The following COG2 variants were observed in gnomAD, a reference collection of about 807,000 sequenced individuals.
The protein encoded by COG2 is component of oligomeric golgi complex 2.
In COG2, 52 loss-of-function variants were observed where a neutral mutation model predicts 90.6. That is an observed-to-expected ratio of 0.57 (90% CI 0.46 to 0.72). The LOEUF (loss-of-function observed/expected upper bound fraction) is 0.72, where lower values mean the gene tolerates loss of function less well. Ranked by LOEUF, COG2 falls within the 30% of genes least tolerant of loss-of-function variation. The pLI, the probability that COG2 is intolerant of heterozygous loss-of-function variation, is 0.00. For synonymous variants in COG2, 337 were observed against 320.4 expected, an observed-to-expected ratio of 1.05 and a Z score of -0.55; for missense variants, 829 against 891.2, an observed-to-expected ratio of 0.93 and a Z score of 0.89.
intron 17 of COG2, 196 bp downstream of exon 17, chr1:230,691,760 C>T (rs771007406): frequency 2.9e-5 from 16 of 542,972 alleles, no homozygotes; most frequent in Non-Finnish European, 4.2e-5. Context: ...TGAGAATTCC[C>T]GTTTTGAAGT....
At chr1:230,662,580 T>C (rs1425912940) in intron 3 of COG2, among the ~76,000 whole-genome samples, 2 of 152,178 alleles carry the variant, frequency 1.3e-5, no homozygotes, top group Non-Finnish European at 2.9e-5. Flanking sequence ...CAAAACAACT[T>C]TTTCATGATA....
At chr1:230,667,485 A>G (rs1662349153) in intron 5 of COG2, among the ~76,000 whole-genome samples, 1 of 152,214 alleles carries the variant, frequency 6.6e-6, no homozygotes, top group Non-Finnish European at 1.5e-5. Context: ...ATCGTCTTTG[A>G]GGAGCTTTTC....
At chr1:230,677,384 A>C (rs746089823) in intron 9 of COG2, among the ~76,000 whole-genome samples, 1 of 152,220 alleles carries the variant, frequency 6.6e-6, no homozygotes, top group Non-Finnish European at 1.5e-5. Context: ...CCTGGGGCCC[A>C]GCAGGTTTCC....
chr1:230,675,063 A>G lies in COG2; in HGVS notation c.965A>G (p.Gln322Arg). 1 of 1,613,074 alleles carries G rather than the reference A, an allele frequency of 6.2e-7. No homozygotes were observed. The highest frequency in any genetic ancestry group is 2.2e-5 in the East Asian group (1 of 44,856). The change falls in exon 9 of 18, where the codon CAA becomes CGA. Residue 322 changes from glutamine to arginine, a missense_variant. Coordinates refer to ENST00000366669, the MANE Select transcript of COG2 (RefSeq NM_007357.3). ...LVNSVWPQIV[Q>R]GLEEKLPSLF... The stretch of plus-strand genomic sequence containing the variant: ...AATTCTGTTTGGCCACAAATAGTAC[A>G]AGGATTAGAAGAAAAGTTACCCTCG...
chr1:230,666,821 GA>G (rs1200131315), intron 5 of COG2, among the ~76,000 whole-genome samples: 3 of 152,150 alleles, frequency 2.0e-5, no homozygotes, highest in South Asian at 2.1e-4. Flanking sequence ...GTGCTAAGTG[GA>G]AAAAAAGCAG....
At chr1:230,666,044 C>T (rs1662312053) in intron 5 of COG2, among the ~76,000 whole-genome samples, 1 of 152,154 alleles carries the variant, frequency 6.6e-6, no homozygotes, top group Non-Finnish European at 1.5e-5. Flanking sequence ...TTAATGGCCT[C>T]CTGGATGCTG....
At chr1:230,686,080 CTT>C (rs1245217870) in intron 12 of COG2, among the ~76,000 whole-genome samples, 1 of 152,028 alleles carries the variant, frequency 6.6e-6, no homozygotes, top group African/African-American at 2.4e-5. Context: ...AACGTTGGCT[CTT>C]TAACTTTTTA....
chr1:230,690,203 G>A (rs780942757), intron 16 of COG2, 50 bp downstream of exon 16: 15 of 1,548,966 alleles, frequency 9.7e-6, no homozygotes, highest in South Asian at 4.7e-5. Flanking sequence ...AAGAGTCTGC[G>A]GCAGAAACCC....
chr1:230,647,313 A>T (rs1260970914), intron 1 of COG2, among the ~76,000 whole-genome samples: 1 of 152,168 alleles, frequency 6.6e-6, no homozygotes, highest in African/African-American at 2.4e-5. Context: ...TATCTCCCTC[A>T]GATAAGGGGA....
chr1:230,691,483 C>A lies in COG2; in HGVS notation c.2034C>A (p.Pro678=). 1 of 1,614,136 alleles carries A rather than the reference C, an allele frequency of 6.2e-7. No homozygotes were observed. The highest frequency in any genetic ancestry group is 1.3e-5 in the African/African-American group (1 of 75,006). Residue 678 remains proline, a synonymous_variant, in exon 17 of 18, where the codon CCC becomes CCA. Transcript: ENST00000366669. ...CCAGAAAAACCACTCCCGCCAACCC[C>A]GTCGGTCCCAGTGGTGGCATGAGCG... is the stretch of plus-strand genomic sequence containing the variant. ...KQARKTTPAN[P]VGPSGGMSDD...
At chr1:230,663,118 CT>C (rs555073793) in intron 3 of COG2, 22 bp from the exon 4 acceptor site, 102,642 of 959,820 alleles carry the variant, frequency 0.11, 5 homozygotes, top group South Asian at 0.16. Context: ...CTCTGCAGTA[CT>C]TTTTTTTTTT....
At chr1:230,642,901 C>T (rs1365691085) in intron 1 of COG2, 3 of 544,096 alleles carry the variant, frequency 5.5e-6, no homozygotes, top group East Asian at 6.5e-5. Flanking sequence ...CATGGAAAGG[C>T]CTGAAAGTTC....
intron 12 of COG2, 24 bp from the exon 13 acceptor site, chr1:230,686,911 T>C: frequency 6.9e-7 from 1 of 1,451,606 alleles, no homozygotes; most frequent in Non-Finnish European, 9.3e-7. Context: ...GTGAAAGTAG[T>C]TAATCAGTGA....
chr1:230,688,670 G>A, intron 15 of COG2, 108 bp downstream of exon 15: 1 of 1,241,446 alleles, frequency 8.1e-7, no homozygotes, highest in Non-Finnish European at 1.2e-6. Flanking sequence ...GCCTGAGACA[G>A]ACTGAGCTCA....
At position 230,691,694 on chromosome 1, in the gene COG2, A is replaced by G. The variant is rs887750445; in HGVS notation, c.2115+130A>G. ...CTAGGGAATTGCTTCCTGTGTTAAGACTAGGAGTCGGGGCTCCCAAATTAC... is the reference window on the plus strand; with the variant it reads ...CTAGGGAATTGCTTCCTGTGTTAAGGCTAGGAGTCGGGGCTCCCAAATTAC... On this transcript the variant is annotated intron_variant, in intron 17 of 17. Transcript: ENST00000366669. The G allele has an allele frequency of 6.0e-6, 5 of 836,994 alleles. No homozygotes were observed. The African/African-American group carries it at 8.6e-5, about 14-fold the overall frequency. 51.8% of individuals were successfully genotyped at this position (836,994 alleles called of 1,614,324 possible).
In COG2 at chr1:230,689,996, C is replaced by CT; in HGVS notation, c.1795-17dup. The CT allele has an allele frequency of 6.4e-7, 1 of 1,565,554 alleles. No homozygotes were observed. Among genetic ancestry groups the CT allele is most frequent in the Non-Finnish European group, 8.6e-7 (1 of 1,158,490 alleles). Reference sequence around the variant, plus strand: ...TTTTTTTCCTGTGCATCTTTATCTCCTACCATCATCATTCCAGGAGGTCCC... The same window carrying CT: ...TTTTTTTCCTGTGCATCTTTATCTCCTTACCATCATCATTCCAGGAGGTCCC... On this transcript the variant is annotated splice_polypyrimidine_tract_variant and intron_variant, in intron 15 of 17. Coordinates refer to ENST00000366669, the MANE Select transcript of COG2 (RefSeq NM_007357.3).
intron 16 of COG2, 150 bp downstream of exon 16, chr1:230,690,303 T>G: frequency 3.0e-6 from 2 of 659,966 alleles, no homozygotes; most frequent in Admixed American, 3.4e-5. Context: ...TCCCACTGTT[T>G]GCTTCCTCCC....
chr1:230,686,388 C>T (rs936702322), intron 12 of COG2, among the ~76,000 whole-genome samples: 8 of 152,152 alleles, frequency 5.3e-5, no homozygotes, highest in Admixed American at 3.9e-4. Context: ...AGGAATTCTC[C>T]GTTTATCTCT....
At chr1:230,676,288 TC>T in intron 9 of COG2, among the ~76,000 whole-genome samples, 1 of 152,306 alleles carries the variant, frequency 6.6e-6, no homozygotes, top group Admixed American at 6.5e-5. Flanking sequence ...TTTTTCACCT[TC>T]TTCGTATTTT....
Sources: gnomAD v4.1 joint callset for allele counts (sites outside exome capture counted in the v4.1 genomes callset) on GRCh38, gnomAD v4.1.1 for gene constraint, MANE v1.5 for transcripts, NCBI Gene and HGNC (gene_info 2026-07-23, HGNC 2026-07-21) for gene names.